The following ARHGEF28 variants were observed in gnomAD, a reference collection of about 807,000 sequenced individuals.
ARHGEF28 encodes 190 kDa guanine nucleotide exchange factor.
Under a neutral mutation model 206.6 loss-of-function variants are expected in ARHGEF28, and 152 were observed. The ratio of observed to expected loss-of-function variants is 0.74; its 90% CI spans 0.64 to 0.84. The LOEUF (loss-of-function observed/expected upper bound fraction) is 0.84. ARHGEF28 is among the 40% of genes least tolerant of loss of function. ARHGEF28 has a pLI of 0.00. For synonymous variants in ARHGEF28, 763 were observed against 776.4 expected (o/e 0.98, Z 0.29); for missense variants, 2,028 against 2,073.2 (o/e 0.98, Z 0.42).
chr5:73,852,306 T>C (rs11957284), intron 13 of ARHGEF28, among the ~76,000 whole-genome samples: 56 of 152,224 alleles, frequency 3.7e-4, no homozygotes, highest in African/African-American at 1.3e-3. Context: ...ATTAGTGTTA[T>C]GAAGAATAGG....
chr5:73,867,820 T>G, intron 18 of ARHGEF28, 56 bp from the exon 19 acceptor site: 3 of 1,609,984 alleles, frequency 1.9e-6, no homozygotes, highest in Non-Finnish European at 2.5e-6. Context: ...AAGTGACTAC[T>G]TTTACTTGTA....
intron 2 of ARHGEF28, among the ~76,000 whole-genome samples, chr5:73,689,542 C>T (rs1301001060): frequency 1.3e-5 from 2 of 152,028 alleles, no homozygotes; most frequent in Admixed American, 6.6e-5. Flanking sequence ...ATGGCAGTTC[C>T]CTGAGTTGCA....
intron 9 of ARHGEF28, 170 bp downstream of exon 9, chr5:73,795,561 AC>A (rs1754749919): frequency 5.2e-6 from 3 of 579,250 alleles, no homozygotes; most frequent in African/African-American, 3.8e-5. Context: ...TAATACTATG[AC>A]TCTAGAGGTT....
intron 13 of ARHGEF28, 26 bp downstream of exon 13, chr5:73,849,113 T>C: frequency 6.9e-7 from 1 of 1,449,176 alleles, no homozygotes. Context: ...CATTTGGCTT[T>C]GAAAACACTC....
chr5:73,716,656 G>A (rs999060633), intron 2 of ARHGEF28, among the ~76,000 whole-genome samples: 4 of 152,118 alleles, frequency 2.6e-5, no homozygotes, highest in South Asian at 2.1e-4. Flanking sequence ...CCCAGCTACC[G>A]CAGACTCTTA....
At chr5:73,713,913 T>C (rs1298430411) in intron 2 of ARHGEF28, among the ~76,000 whole-genome samples, 1 of 152,168 alleles carries the variant, frequency 6.6e-6, no homozygotes, top group South Asian at 2.1e-4. Flanking sequence ...AATTAAAAAT[T>C]GCAAATAGAT....
chr5:73,865,895 C>T, intron 17 of ARHGEF28, 70 bp from the exon 18 acceptor site: 1 of 1,112,568 alleles, frequency 9.0e-7, no homozygotes, highest in East Asian at 2.4e-5. Context: ...TTCTGTGTAA[C>T]TATGTGGATA....
chr5:73,773,878 C>T lies in ARHGEF28; in HGVS notation c.499C>T (p.Leu167=), dbSNP rs1182620368. 1 of 1,606,988 alleles carries T rather than the reference C, an allele frequency of 6.2e-7. No individual in the cohort carries two copies. Among genetic ancestry groups the T allele is most frequent in the East Asian group, 2.2e-5 (1 of 44,784 alleles). ...AGTATCTTCTCACAGAGAATCTCTT[C>T]TACACCTGGCTATGAGATGGGGCCT... ...LEVSSHRESL[L]HLAMRWGLAK... Residue 167 remains leucine (L), a synonymous_variant, in exon 5 of 36, where the codon CTA becomes TTA. Coordinates refer to ENST00000513042, the MANE Select transcript of ARHGEF28 (RefSeq NM_001177693.2).
chr5:73,859,728 C>G (rs1200738089), intron 16 of ARHGEF28, among the ~76,000 whole-genome samples: 1 of 152,118 alleles, frequency 6.6e-6, no homozygotes, highest in Admixed American at 6.6e-5. Flanking sequence ...CTTCAGCGGT[C>G]AGTTCATTCG....
At position 73,734,022 on chromosome 5, in the gene ARHGEF28, C is replaced by A. The variant is rs1750759890; in HGVS notation, c.34-15815C>A. Reference sequence around the variant, plus strand: ...CAAGAACTCGCTATCACAAGAACAGCACCAAAAGGATGGTGCTAAACCATT... The same window carrying A: ...CAAGAACTCGCTATCACAAGAACAGAACCAAAAGGATGGTGCTAAACCATT... On this transcript the variant is annotated intron_variant, in intron 2 of 35. Coordinates refer to ENST00000513042, the MANE Select transcript of ARHGEF28 (RefSeq NM_001177693.2). 2.6e-5 allele frequency among the ~76,000 whole-genome samples: 4 copies of A among 152,138 alleles called. No homozygotes were observed. The South Asian group carries it at 8.3e-4, about 32-fold the overall frequency.
At chr5:73,772,132 T>C (rs1328920164) in intron 4 of ARHGEF28, among the ~76,000 whole-genome samples, 1 of 152,174 alleles carries the variant, frequency 6.6e-6, no homozygotes, top group Non-Finnish European at 1.5e-5. Flanking sequence ...TAATTAAAAA[T>C]GTAAACTAAG....
chr5:73,819,232 G>A (rs1019465799), intron 9 of ARHGEF28, among the ~76,000 whole-genome samples: 1 of 152,178 alleles, frequency 6.6e-6, no homozygotes, highest in Non-Finnish European at 1.5e-5. Context: ...CAAATGTTGC[G>A]CTGGCCTGGA....
At chr5:73,832,575 A>C in intron 10 of ARHGEF28, 116 bp downstream of exon 10, 2 of 1,381,230 alleles carry the variant, frequency 1.4e-6, no homozygotes, top group Non-Finnish European at 2.0e-6. Flanking sequence ...AGAGCAGCAA[A>C]GAGGATGCTG....
At chr5:73,644,599 A>G (rs1460350016) in intron 1 of ARHGEF28, among the ~76,000 whole-genome samples, 2 of 152,180 alleles carry the variant, frequency 1.3e-5, no homozygotes, top group South Asian at 2.1e-4. Context: ...CCTCCTGCCA[A>G]ATAGATCTCC....
intron 2 of ARHGEF28, among the ~76,000 whole-genome samples, chr5:73,737,248 C>T (rs981928432): frequency 1.3e-5 from 2 of 151,924 alleles, no homozygotes; most frequent in Non-Finnish European, 2.9e-5. Flanking sequence ...ATTGCCATTC[C>T]TGGTGGGGTG....
In ARHGEF28 at chr5:73,935,704, CTT is replaced by C. The variant is rs576801220; in HGVS notation, c.4949-5134_4949-5133del. Among the ~76,000 whole-genome samples the C allele has an allele frequency of 4.6e-5, 7 of 152,156 alleles. No homozygotes were observed. The South Asian group carries it at 1.5e-3, about 32-fold the overall frequency. On this transcript the variant is annotated intron_variant, in intron 35 of 35. Transcript: ENST00000513042. ...GAACAGTAATGATAAAGCCCCCCGC[CTT>C]TTTTTAAGTAGAGTTATTCTAGGAA...
intron 1 of ARHGEF28, among the ~76,000 whole-genome samples, chr5:73,676,041 A>T (rs1049359506): frequency 6.7e-6 from 1 of 149,560 alleles, no homozygotes; most frequent in Non-Finnish European, 1.5e-5. Flanking sequence ...GCACCATACA[A>T]TCTACCAGTC....
At chr5:73,744,019 T>C (rs1554059046) in intron 2 of ARHGEF28, among the ~76,000 whole-genome samples, 1 of 152,172 alleles carries the variant, frequency 6.6e-6, no homozygotes, top group Non-Finnish European at 1.5e-5. Flanking sequence ...TTCAGTGTTC[T>C]CTTTAATAAA....
At chr5:73,894,112 G>C (rs948527499) in intron 28 of ARHGEF28, among the ~76,000 whole-genome samples, 6 of 151,912 alleles carry the variant, frequency 3.9e-5, no homozygotes, top group African/African-American at 1.5e-4. Context: ...AACAAACAAA[G>C]AATAGCTTTG....
Sources: gnomAD v4.1 joint callset for allele counts (sites outside exome capture counted in the v4.1 genomes callset) on GRCh38, gnomAD v4.1.1 for gene constraint, MANE v1.5 for transcripts, NCBI Gene and HGNC (gene_info 2026-07-23, HGNC 2026-07-21) for gene names.